Variants in LUZP2 observed in about 807,000 individuals in gnomAD.
LUZP2 encodes leucine zipper protein 2.
Under a neutral mutation model 51.6 loss-of-function variants are expected in LUZP2, and 52 were observed. That is an observed-to-expected ratio of 1.01 (90% CI 0.81 to 1.27). The LOEUF (loss-of-function observed/expected upper bound fraction) is 1.27. Among genes scored for constraint, LUZP2 ranks in the 50% most tolerant of loss-of-function variants. The pLI is 0.00. For synonymous variants in LUZP2, 154 were observed against 137.3 expected (o/e 1.12, Z -0.85); for missense variants, 436 against 395.4 (o/e 1.10, Z -0.87).
At chr11:24,532,044 A>C (rs963819532) in intron 1 of LUZP2, among the ~76,000 whole-genome samples, 2 of 150,992 alleles carry the variant, frequency 1.3e-5, no homozygotes, top group Non-Finnish European at 3.0e-5. Flanking sequence ...ACTATCAAAC[A>C]ATCAGGGCAG....
intron 1 of LUZP2, among the ~76,000 whole-genome samples, chr11:24,642,121 C>T (rs1855308991): frequency 6.6e-6 from 1 of 151,744 alleles, no homozygotes; most frequent in Admixed American, 6.6e-5. Flanking sequence ...ATCTCTTGAC[C>T]TCATGATCCA....
intron 1 of LUZP2, among the ~76,000 whole-genome samples, chr11:24,631,692 GGTGATACTAGCCTC>G (rs745994185): frequency 2.4e-4 from 37 of 151,842 alleles, no homozygotes; most frequent in Non-Finnish European, 2.9e-5. Flanking sequence ...TGGGTCTCAG[GGTGATACTAGCCTC>G]GTGGAATAAG....
chr11:25,034,522 G>A (rs1422535678), intron 9 of LUZP2, among the ~76,000 whole-genome samples: 1 of 151,992 alleles, frequency 6.6e-6, no homozygotes, highest in Non-Finnish European at 1.5e-5. Flanking sequence ...TATTTTCCAA[G>A]TTGTCTTCCT....
chr11:24,685,286 T>G lies in LUZP2; in HGVS notation c.63-43883T>G, dbSNP rs140824737. 1.5e-3 allele frequency among the ~76,000 whole-genome samples: 233 copies of G among 152,242 alleles called. 1 individual carries two copies. The highest frequency in any genetic ancestry group is 3.4e-3 in the Middle Eastern group (1 of 294). On this transcript the variant is annotated intron_variant, in intron 1 of 11. Transcript: ENST00000336930. ...TGAAAAGCACTTTGCACATTACAGA[T>G]TGATGCTGAGATGAATTCTAGGGGC... is the stretch of plus-strand genomic sequence containing the variant.
chr11:25,000,001 C>T (rs1378228301), intron 9 of LUZP2, among the ~76,000 whole-genome samples: 1 of 127,762 alleles, frequency 7.8e-6, no homozygotes, highest in Non-Finnish European at 1.8e-5. Flanking sequence ...CCTTATTTGG[C>T]CCCGCCCATA....
At chr11:24,691,333 G>A (rs927018277) in intron 1 of LUZP2, among the ~76,000 whole-genome samples, 1 of 151,828 alleles carries the variant, frequency 6.6e-6, no homozygotes, top group Admixed American at 6.6e-5. Flanking sequence ...AATACTAATA[G>A]CAAAAATAGT....
At chr11:24,835,032 C>A (rs1348696241) in intron 5 of LUZP2, among the ~76,000 whole-genome samples, 3 of 152,062 alleles carry the variant, frequency 2.0e-5, no homozygotes, top group Non-Finnish European at 4.4e-5. Context: ...AGTTTTCTCC[C>A]ATTCTGTAGG....
At chr11:24,946,882 T>C (rs1854915684) in intron 7 of LUZP2, among the ~76,000 whole-genome samples, 1 of 152,012 alleles carries the variant, frequency 6.6e-6, no homozygotes, top group Admixed American at 6.6e-5. Context: ...GATTTCTATA[T>C]ATTACAGTTA....
At chr11:24,669,835 T>C (rs1856344246) in intron 1 of LUZP2, among the ~76,000 whole-genome samples, 1 of 152,078 alleles carries the variant, frequency 6.6e-6, no homozygotes, top group African/African-American at 2.4e-5. Flanking sequence ...AATCCTGTCC[T>C]GAAGCAAAGA....
At chr11:24,878,937 A>G (rs1273036398) in intron 5 of LUZP2, among the ~76,000 whole-genome samples, 3 of 151,450 alleles carry the variant, frequency 2.0e-5, no homozygotes, top group African/African-American at 7.3e-5. Context: ...TGTCCCTGCA[A>G]AAGACATGAT....
At chr11:24,834,265 GC>G (rs1490480694) in intron 5 of LUZP2, among the ~76,000 whole-genome samples, 2 of 152,034 alleles carry the variant, frequency 1.3e-5, no homozygotes, top group South Asian at 4.2e-4. Context: ...CCCCCAACAG[GC>G]CCCAGGGTGT....
chr11:24,677,910 G>A (rs187610853), intron 1 of LUZP2, among the ~76,000 whole-genome samples: 3,485 of 152,012 alleles, frequency 0.023, 57 homozygotes, highest in Admixed American at 0.038. Context: ...GGTGGCGGGC[G>A]CCTGTAGTCC....
chr11:24,533,804 T>TA (rs147813453), intron 1 of LUZP2, among the ~76,000 whole-genome samples: 31,062 of 150,964 alleles, frequency 0.21, 3,506 homozygotes, highest in Middle Eastern at 0.36. Flanking sequence ...TGTGCACATA[T>TA]AAAAAATCCA....
intron 1 of LUZP2, among the ~76,000 whole-genome samples, chr11:24,712,057 A>C (rs1438837178): frequency 6.6e-6 from 1 of 152,216 alleles, no homozygotes; most frequent in Non-Finnish European, 1.5e-5. Context: ...GCAGAATAGC[A>C]GTTAAAAAGG....
chr11:24,733,048 G>A (rs888314303), intron 3 of LUZP2, among the ~76,000 whole-genome samples: 5 of 151,710 alleles, frequency 3.3e-5, no homozygotes, highest in African/African-American at 9.7e-5. Flanking sequence ...ACACAAGATA[G>A]CATGTGGAAT....
chr11:24,761,657 G>C (rs1185643487), intron 4 of LUZP2, among the ~76,000 whole-genome samples: 3 of 152,002 alleles, frequency 2.0e-5, no homozygotes, highest in Non-Finnish European at 4.4e-5. Flanking sequence ...CTGTATTTAG[G>C]GATATGTCAG....
chr11:24,658,454 C>A (rs558414579), intron 1 of LUZP2, among the ~76,000 whole-genome samples: 3 of 152,210 alleles, frequency 2.0e-5, no homozygotes, highest in Admixed American at 1.3e-4. Context: ...AAATGTTAGA[C>A]CTAAAACCAT....
chr11:25,028,280 T>C (rs1313447447), intron 9 of LUZP2, among the ~76,000 whole-genome samples: 1 of 152,218 alleles, frequency 6.6e-6, no homozygotes, highest in Non-Finnish European at 1.5e-5. Flanking sequence ...ATCACCCTGT[T>C]GTGCTATCAA....
intron 1 of LUZP2, among the ~76,000 whole-genome samples, chr11:24,646,331 G>A (rs1196975770): frequency 6.6e-6 from 1 of 152,050 alleles, no homozygotes; most frequent in Non-Finnish European, 1.5e-5. Flanking sequence ...AAATATAAGA[G>A]AGTTTTAAAT....
Sources: allele counts gnomAD v4.1 joint callset (sites outside exome capture counted in the v4.1 genomes callset), GRCh38; gene constraint gnomAD v4.1.1; transcripts MANE v1.5; gene names NCBI Gene and HGNC (gene_info 2026-07-23, HGNC 2026-07-21).